RASAL2: variants seen among roughly 807,000 people sequenced by gnomAD.
RASAL2 encodes the protein RAS protein activator like 2, also known as ras GTPase-activating protein nGAP.
Under a neutral mutation model 128.9 loss-of-function variants are expected in RASAL2, and 58 were observed. The observed-to-expected ratio is 0.45, with a 90% CI of 0.36 to 0.56. RASAL2 has a LOEUF of 0.56. Ranked by LOEUF, RASAL2 falls within the 20% of genes least tolerant of loss-of-function variation. The pLI is 0.00. For missense variants in RASAL2, 1,360 were observed against 1,601.6 expected (o/e 0.85, Z 2.57); for synonymous variants, 561 against 580.8 (o/e 0.97, Z 0.49).
intron 1 of RASAL2, among the ~76,000 whole-genome samples, chr1:178,237,874 C>CT (rs1664323946): frequency 6.6e-6 from 1 of 152,212 alleles, no homozygotes; most frequent in Admixed American, 6.5e-5. Flanking sequence ...TAAACACTAA[C>CT]TCCCCATTCT....
At chr1:178,214,943 T>C (rs1188707319) in intron 1 of RASAL2, among the ~76,000 whole-genome samples, 1 of 152,214 alleles carries the variant, frequency 6.6e-6, no homozygotes, top group Non-Finnish European at 1.5e-5. Flanking sequence ...ATGGGACATA[T>C]TAACTGTTTG....
intron 3 of RASAL2, among the ~76,000 whole-genome samples, chr1:178,342,813 T>C (rs1453439115): frequency 6.6e-6 from 1 of 152,226 alleles, no homozygotes; most frequent in African/African-American, 2.4e-5. Flanking sequence ...ACCAGTTGCT[T>C]CCTTATCCAA....
intron 3 of RASAL2, among the ~76,000 whole-genome samples, chr1:178,361,022 C>T (rs2102477945): frequency 6.6e-6 from 1 of 152,214 alleles, no homozygotes; most frequent in East Asian, 1.9e-4. Context: ...GAAGTATAGA[C>T]CATGAGCTTC....
rs543828515 is a variant in RASAL2 at position 178,393,016 on chromosome 1, A to T, written c.564+2810A>T. Among the ~76,000 whole-genome samples the T allele has an allele frequency of 6.6e-5, 10 of 152,340 alleles. No homozygotes were observed. In the East Asian group the frequency reaches 1.9e-3, roughly 29 times the overall value. On this transcript the variant is annotated intron_variant, in intron 4 of 17. Coordinates refer to ENST00000367649, the MANE Select transcript of RASAL2 (RefSeq NM_170692.4). ...GGAAGAAGAGGAAATTTATATGGCT[A>T]CTGAACCTGTAGGTTAAGGCAATGT...
At chr1:178,282,149 A>G (rs1042590601) in intron 1 of RASAL2, among the ~76,000 whole-genome samples, 134 of 152,258 alleles carry the variant, frequency 8.8e-4, no homozygotes, top group African/African-American at 3.1e-3. Flanking sequence ...GGAAGAAAAG[A>G]CAAAACAGTG....
chr1:178,103,030 A>G (rs1335703489), intron 1 of RASAL2, among the ~76,000 whole-genome samples: 2 of 152,220 alleles, frequency 1.3e-5, no homozygotes, highest in African/African-American at 4.8e-5. Flanking sequence ...GAAGTTGGCC[A>G]TGAGTTCTGG....
At chr1:178,458,878 T>C (rs1001832100) in intron 14 of RASAL2, among the ~76,000 whole-genome samples, 2 of 152,226 alleles carry the variant, frequency 1.3e-5, no homozygotes, top group African/African-American at 4.8e-5. Flanking sequence ...CAAAACCAGC[T>C]ATTATTTTGG....
chr1:178,356,565 G>A (rs1415972761), intron 3 of RASAL2, among the ~76,000 whole-genome samples: 1 of 152,016 alleles, frequency 6.6e-6, no homozygotes, highest in East Asian at 1.9e-4. Flanking sequence ...ATAATATTTA[G>A]TAAATCAAAC....
At chr1:178,396,845 C>G (rs1246826992) in intron 4 of RASAL2, among the ~76,000 whole-genome samples, 2 of 144,614 alleles carry the variant, frequency 1.4e-5, no homozygotes, top group East Asian at 2.0e-4. Flanking sequence ...AAAAAAGGCT[C>G]TAGAAGAATT....
chr1:178,204,043 C>T (rs2101971954), intron 1 of RASAL2, among the ~76,000 whole-genome samples: 1 of 152,326 alleles, frequency 6.6e-6, no homozygotes, highest in East Asian at 1.9e-4. Context: ...GTCATCAATA[C>T]CAGCTACAAC....
At chr1:178,354,628 G>T (rs959836911) in intron 3 of RASAL2, among the ~76,000 whole-genome samples, 1 of 152,174 alleles carries the variant, frequency 6.6e-6, no homozygotes, top group Non-Finnish European at 1.5e-5. Context: ...CAAGTTGCTA[G>T]ATAACAAGAT....
At chr1:178,374,039 G>A (rs1281932127) in intron 3 of RASAL2, among the ~76,000 whole-genome samples, 1 of 152,140 alleles carries the variant, frequency 6.6e-6, no homozygotes, top group African/African-American at 2.4e-5. Flanking sequence ...TGAATAGACA[G>A]CAATGTATCC....
intron 1 of RASAL2, among the ~76,000 whole-genome samples, chr1:178,103,049 A>T (rs1046792026): frequency 6.6e-6 from 1 of 152,180 alleles, no homozygotes; most frequent in Admixed American, 6.5e-5. Flanking sequence ...GGGGGTCTGG[A>T]GCCGGTAAAT....
chr1:178,251,768 T>C (rs971774799), intron 1 of RASAL2, among the ~76,000 whole-genome samples: 3 of 152,238 alleles, frequency 2.0e-5, no homozygotes, highest in Non-Finnish European at 4.4e-5. Context: ...CAGATGCTTA[T>C]CAGTCTAGTA....
chr1:178,271,887 C>T (rs1666276370), intron 1 of RASAL2, among the ~76,000 whole-genome samples: 1 of 152,112 alleles, frequency 6.6e-6, no homozygotes, highest in African/African-American at 2.4e-5. Context: ...AGCCGTAGGG[C>T]CCCCCACCTT....
chr1:178,338,945 T>C (rs2102397590), intron 3 of RASAL2, among the ~76,000 whole-genome samples: 1 of 152,348 alleles, frequency 6.6e-6, no homozygotes, highest in Middle Eastern at 3.4e-3. Flanking sequence ...GACTTTGTCT[T>C]ATTTCCCACT....
chr1:178,366,662 C>T (rs548776621), intron 3 of RASAL2, among the ~76,000 whole-genome samples: 17 of 134,042 alleles, frequency 1.3e-4, no homozygotes, highest in Non-Finnish European at 2.4e-4. Flanking sequence ...GGCTTCCACA[C>T]AAAAACTTGT....
chr1:178,181,678 G>A (rs748851602), intron 1 of RASAL2, among the ~76,000 whole-genome samples: 1 of 152,006 alleles, frequency 6.6e-6, no homozygotes, highest in Non-Finnish European at 1.5e-5. Flanking sequence ...TGGCATCTTG[G>A]CTGTGACAGT....
intron 3 of RASAL2, among the ~76,000 whole-genome samples, chr1:178,374,229 G>C (rs930472995): frequency 6.6e-6 from 1 of 152,064 alleles, no homozygotes; most frequent in Admixed American, 6.6e-5. Context: ...GATAGTTCGA[G>C]GATTAAGTAA....
Sources: gnomAD v4.1 joint callset for allele counts (sites outside exome capture counted in the v4.1 genomes callset) on GRCh38, gnomAD v4.1.1 for gene constraint, MANE v1.5 for transcripts, NCBI Gene and HGNC (gene_info 2026-07-23, HGNC 2026-07-21) for gene names.